Variants in PDE6D observed in about 807,000 individuals in gnomAD.
PDE6D encodes retinal rod rhodopsin-sensitive cGMP 3',5'-cyclic phosphodiesterase subunit delta.
A neutral mutation model predicts 21.9 loss-of-function variants in PDE6D; 10 were observed. The observed-to-expected ratio is 0.46, with a 90% CI of 0.28 to 0.78. The LOEUF (loss-of-function observed/expected upper bound fraction) is 0.78. Ranked by LOEUF, PDE6D falls within the 30% of genes least tolerant of loss-of-function variation. The pLI is 0.12. For synonymous variants in PDE6D, 59 were observed against 63.5 expected (o/e 0.93, Z 0.34); for missense variants, 139 against 184.8 (o/e 0.75, Z 1.44).
chr2:231,745,269 A>G (rs895708235), intron 1 of PDE6D, among the ~76,000 whole-genome samples: 5 of 152,086 alleles, frequency 3.3e-5, no homozygotes, highest in Non-Finnish European at 5.9e-5. Flanking sequence ...AAAATGCTAG[A>G]AATGAAAGAC....
chr2:231,742,478 T>G (rs1292338038), intron 1 of PDE6D, among the ~76,000 whole-genome samples: 3 of 152,108 alleles, frequency 2.0e-5, no homozygotes, highest in African/African-American at 7.2e-5. Context: ...AAAGACTAAC[T>G]TTAAGAAGAG....
intron 1 of PDE6D, among the ~76,000 whole-genome samples, chr2:231,751,631 TGAG>T (rs1434345891): frequency 2.0e-5 from 3 of 152,242 alleles, no homozygotes; most frequent in Non-Finnish European, 2.9e-5. Flanking sequence ...TTGACAGTTT[TGAG>T]GAGAACTGGT....
chr2:231,754,343 A>T (rs1438862149), intron 1 of PDE6D, among the ~76,000 whole-genome samples: 1 of 151,366 alleles, frequency 6.6e-6, no homozygotes, highest in South Asian at 2.1e-4. Flanking sequence ...CTGTGAGAAG[A>T]AAATGGCTTT....
At chr2:231,741,293 C>T (rs2048747609) in intron 1 of PDE6D, among the ~76,000 whole-genome samples, 1 of 151,932 alleles carries the variant, frequency 6.6e-6, no homozygotes, top group Non-Finnish European at 1.5e-5. Context: ...TCAAAAGGAA[C>T]CCTGGAGGGT....
At chr2:231,735,307 T>C (rs2048690670) in intron 4 of PDE6D, among the ~76,000 whole-genome samples, 2 of 150,578 alleles carry the variant, frequency 1.3e-5, no homozygotes. Flanking sequence ...TTACAATTTT[T>C]TTTTTTTTTT....
intron 1 of PDE6D, among the ~76,000 whole-genome samples, chr2:231,768,994 G>A (rs528171304): frequency 2.9e-4 from 44 of 152,030 alleles, no homozygotes; most frequent in African/African-American, 9.6e-4. Context: ...TCAGCCTCCC[G>A]AGTAGCTGGG....
chr2:231,780,274 T>G (rs940463892), intron 1 of PDE6D, among the ~76,000 whole-genome samples: 1 of 152,118 alleles, frequency 6.6e-6, no homozygotes, highest in Non-Finnish European at 1.5e-5. Context: ...CAGCTAGGCA[T>G]AACCGCACCG....
At chr2:231,741,536 G>C (rs1221196991) in intron 1 of PDE6D, among the ~76,000 whole-genome samples, 2 of 152,228 alleles carry the variant, frequency 1.3e-5, no homozygotes, top group Non-Finnish European at 2.9e-5. Flanking sequence ...GGTCTGGAGA[G>C]TGACTAGTCC....
chr2:231,766,713 C>T (rs927494993), intron 1 of PDE6D, among the ~76,000 whole-genome samples: 4 of 152,122 alleles, frequency 2.6e-5, no homozygotes, highest in Non-Finnish European at 4.4e-5. Flanking sequence ...TGAAAGCTGG[C>T]GGGGCATGGT....
At chr2:231,744,053 A>C (rs945727452) in intron 1 of PDE6D, among the ~76,000 whole-genome samples, 6 of 152,256 alleles carry the variant, frequency 3.9e-5, no homozygotes, top group African/African-American at 1.2e-4. Context: ...AAATTAAACA[A>C]TAAGACTAAA....
chr2:231,765,810 G>C (rs1426634622), intron 1 of PDE6D, among the ~76,000 whole-genome samples: 1 of 152,008 alleles, frequency 6.6e-6, no homozygotes, highest in Non-Finnish European at 1.5e-5. Context: ...TTTTCTTCCT[G>C]TTCTCTATCT....
At chr2:231,775,296 T>C (rs993613777) in intron 1 of PDE6D, among the ~76,000 whole-genome samples, 3 of 152,028 alleles carry the variant, frequency 2.0e-5, no homozygotes, top group Non-Finnish European at 4.4e-5. Context: ...TGTCAATTAA[T>C]TGGGAAGAGA....
At chr2:231,756,601 C>CTTT (rs78576087) in intron 1 of PDE6D, among the ~76,000 whole-genome samples, 10 of 116,422 alleles carry the variant, frequency 8.6e-5, no homozygotes, top group African/African-American at 1.3e-4. Context: ...CTAAACCTGG[C>CTTT]TTTTTTTTTT....
In PDE6D at chr2:231,738,105, GC is replaced by G; in HGVS notation, c.172del (p.Ala58GlnfsTer30). 6.2e-7 allele frequency: 1 copy of G among 1,613,256 alleles called. No individual in the cohort carries two copies. Among genetic ancestry groups the G allele is most frequent in the African/African-American group, 1.3e-5 (1 of 75,020 alleles). On this transcript the variant is annotated frameshift_variant, in exon 3 of 5. Transcript: ENST00000287600. LOFTEE classifies it high-confidence loss of function. ...RVPKKILKCK[A>X]VSRELNFSST... ...AGAAAAATTAAGTTCTCGAGACACTGCCTTGCACTTGAGGATTTTCTTGGGA... is the reference window on the plus strand; with the variant it reads ...AGAAAAATTAAGTTCTCGAGACACTGCTTGCACTTGAGGATTTTCTTGGGA...
rs773302418 is a variant in PDE6D at position 231,738,136 on chromosome 2, G to A, written c.142C>T (p.Arg48Cys). The part of the protein sequence containing the change: ...LSVPGVEHEA[R>C]VPKKILKCKA... ...CACTTGAGGATTTTCTTGGGAACACGGGCTGGTAAGAGAAAAACAAATGTT... is the reference window on the plus strand; with the variant it reads ...CACTTGAGGATTTTCTTGGGAACACAGGCTGGTAAGAGAAAAACAAATGTT... The change falls in exon 3 of 5, where the codon CGT becomes TGT. Residue 48 changes from arginine (R) to cysteine (C), a missense_variant and splice_region_variant. Coordinates refer to ENST00000287600, the MANE Select transcript of PDE6D (RefSeq NM_002601.4). 1.1e-5 allele frequency: 17 copies of A among 1,610,406 alleles called. No individual in the cohort carries two copies. The South Asian group carries it at 1.2e-4, about 12-fold the overall frequency.
intron 1 of PDE6D, among the ~76,000 whole-genome samples, chr2:231,744,422 T>A (rs1574620495): frequency 6.6e-6 from 1 of 151,622 alleles, no homozygotes; most frequent in South Asian, 2.1e-4. Flanking sequence ...GGTTAAGGAC[T>A]TAATTGCTTT....
At chr2:231,747,919 G>A (rs374275531) in intron 1 of PDE6D, among the ~76,000 whole-genome samples, 10 of 152,228 alleles carry the variant, frequency 6.6e-5, no homozygotes, top group East Asian at 3.9e-4. Context: ...TTCTCTTGCC[G>A]CCGCCATGTA....
At chr2:231,770,709 T>C (rs921219034) in intron 1 of PDE6D, among the ~76,000 whole-genome samples, 2 of 151,982 alleles carry the variant, frequency 1.3e-5, no homozygotes, top group Admixed American at 1.3e-4. Flanking sequence ...TCCCAGCACT[T>C]TGGGAAGCTG....
At chr2:231,769,051 T>C (rs1040294515) in intron 1 of PDE6D, among the ~76,000 whole-genome samples, 1 of 152,010 alleles carries the variant, frequency 6.6e-6, no homozygotes, top group African/African-American at 2.4e-5. Context: ...GTATTTTTAG[T>C]GGTGACGGGG....
Sources: allele counts gnomAD v4.1 joint callset (sites outside exome capture counted in the v4.1 genomes callset), GRCh38; gene constraint gnomAD v4.1.1; transcripts MANE v1.5; gene names NCBI Gene and HGNC (gene_info 2026-07-23, HGNC 2026-07-21).